The following TRIM29 variants were observed in gnomAD, a reference collection of about 807,000 sequenced individuals.
TRIM29 encodes tripartite motif containing 29.
A neutral mutation model predicts 57.3 loss-of-function variants in TRIM29; 52 were observed. The observed-to-expected ratio is 0.91, with a 90% CI of 0.73 to 1.14. TRIM29 has a LOEUF of 1.14. Ranked by LOEUF, TRIM29 falls within the 50% of genes most tolerant of loss-of-function variation. The probability of loss-of-function intolerance (pLI) is 0.00; values close to 1 mark genes in which losing one functional copy is unlikely to be tolerated. For missense variants in TRIM29, 753 were observed against 774.6 expected (o/e 0.97, Z 0.33); for synonymous variants, 319 against 316.9 (o/e 1.01, Z -0.07).
intron 5 of TRIM29, chr11:120,122,137 T>TGTGC (rs1863468136): frequency 3.9e-6 from 1 of 256,974 alleles, no homozygotes. Context: ...TGTGAGTGTG[T>TGTGC]GTGTGTGTGT....
intron 6 of TRIM29, among the ~76,000 whole-genome samples, chr11:120,120,185 G>A (rs1591320925): frequency 1.3e-5 from 2 of 151,190 alleles, no homozygotes; most frequent in South Asian, 2.1e-4. Flanking sequence ...GGGGGGTGGC[G>A]CATTCCCCAC....
intron 1 of TRIM29, among the ~76,000 whole-genome samples, chr11:120,130,679 G>A (rs534323747): frequency 6.6e-6 from 1 of 152,334 alleles, no homozygotes; most frequent in African/African-American, 2.4e-5. Context: ...AAAGCATTTG[G>A]CACAGCGTGA....
In TRIM29 at chr11:120,120,626, C is replaced by A; in HGVS notation, c.1475G>T (p.Arg492Leu). ...RTSYQPSSPG[R>L]FTKETTQKNF... Reference sequence around the variant, plus strand: ...CTTCTGGGTGGTCTCCTTGGTGAAGCGGCCAGGAGACGAGGGCTGGTATGA... The same window carrying A: ...CTTCTGGGTGGTCTCCTTGGTGAAGAGGCCAGGAGACGAGGGCTGGTATGA... Residue 492 changes from arginine to leucine, a missense_variant, in exon 6 of 9, where the codon CGC (arginine) becomes CTC (leucine). By Grantham distance (102) the Arg-to-Leu change is moderately radical (BLOSUM62 -2). Transcript: ENST00000341846. 1.9e-6 allele frequency: 3 copies of A among 1,613,788 alleles called. No homozygotes were observed. Among genetic ancestry groups the A allele is most frequent in the Non-Finnish European group, 2.5e-6 (3 of 1,179,980 alleles).
chr11:120,129,678 C>T (rs977119624), intron 1 of TRIM29, among the ~76,000 whole-genome samples: 1 of 152,210 alleles, frequency 6.6e-6, no homozygotes, highest in African/African-American at 2.4e-5. Flanking sequence ...AACAGGGGAC[C>T]TCCTGCAGGC....
chr11:120,114,233 G>C (rs1863210615), intron 8 of TRIM29, among the ~76,000 whole-genome samples: 1 of 152,218 alleles, frequency 6.6e-6, no homozygotes, highest in Admixed American at 6.5e-5. Flanking sequence ...CAGGCTCTGA[G>C]AGGGTGGAAA....
intron 3 of TRIM29, among the ~76,000 whole-genome samples, chr11:120,126,697 T>C (rs1788340869): frequency 6.6e-6 from 1 of 152,204 alleles, no homozygotes; most frequent in Admixed American, 6.5e-5. Context: ...AAAGCTGTCT[T>C]AGCTTCCTCC....
chr11:120,127,991 G>A (rs1381435317), intron 2 of TRIM29, among the ~76,000 whole-genome samples: 1 of 152,182 alleles, frequency 6.6e-6, no homozygotes, highest in Non-Finnish European at 1.5e-5. Flanking sequence ...GGGTCAAGCA[G>A]GCAGTGATTT....
chr11:120,115,520 T>G (rs1863245451), intron 7 of TRIM29, 106 bp from the exon 8 acceptor site: 4 of 961,528 alleles, frequency 4.2e-6, no homozygotes, highest in Non-Finnish European at 4.7e-6. Flanking sequence ...CCAAGCATCA[T>G]CCAGCCCATT....
intron 8 of TRIM29, among the ~76,000 whole-genome samples, chr11:120,114,632 A>G (rs1659977304): frequency 6.6e-6 from 1 of 152,224 alleles, no homozygotes; most frequent in Non-Finnish European, 1.5e-5. Flanking sequence ...TGTGAACTAC[A>G]GTCCCCGATC....
At chr11:120,115,287 G>A (rs1863237593) in intron 8 of TRIM29, 51 bp downstream of exon 8, 19 of 1,580,760 alleles carry the variant, frequency 1.2e-5, no homozygotes, top group Non-Finnish European at 1.6e-5. Flanking sequence ...GCCCCCTTCA[G>A]TGCCCAGGTC....
intron 5 of TRIM29, among the ~76,000 whole-genome samples, chr11:120,122,630 G>A (rs191323454): frequency 2.3e-4 from 35 of 152,292 alleles, no homozygotes; most frequent in African/African-American, 6.5e-4. Flanking sequence ...GGAGACCTCC[G>A]GAAGGAAAGA....
rs746345862 is a variant in TRIM29 at position 120,137,754 on chromosome 11, T to C, written c.278A>G (p.Tyr93Cys). The C allele has an allele frequency of 1.3e-5, 21 of 1,612,224 alleles. No individual in the cohort carries two copies. The highest frequency in any genetic ancestry group is 1.8e-5 in the Non-Finnish European group (21 of 1,179,986). Residue 93 changes from tyrosine (Y) to cysteine (C), a missense_variant, in exon 1 of 9, where the codon TAC (tyrosine) becomes TGC (cysteine). Coordinates refer to ENST00000341846, the MANE Select transcript of TRIM29 (RefSeq NM_012101.4). This position sits in a 1 kb window ranked among gnomAD's most constrained non-coding sequence, Gnocchi z 6.2. The part of the protein sequence containing the change: ...VESGDDKNSN[Y>C]FSMDSMEGKR... ...GCCTTCCATAGAGTCCATGCTGAAGTAGTTGGAGTTCTTGTCGTCCCCGGA... is the reference window on the plus strand; with the variant it reads ...GCCTTCCATAGAGTCCATGCTGAAGCAGTTGGAGTTCTTGTCGTCCCCGGA...
Position 120,112,043 on chromosome 11 carries a change from G to A in TRIM29, c.*371C>T, listed in dbSNP as rs1014796537. On this transcript the variant is annotated 3_prime_UTR_variant, in exon 9 of 9. Transcript: ENST00000341846. ...TCTATAGGCCTGGAGACAGCAGGGC[G>A]TGGGCGGGAGAGGCAGGCTGATACC... 1.8e-5 allele frequency: 5 copies of A among 278,668 alleles called. No individual in the cohort carries two copies. Among genetic ancestry groups the A allele is most frequent in the African/African-American group, 4.6e-5 (2 of 43,206 alleles). 17.3% of individuals were successfully genotyped at this position (278,668 alleles called of 1,614,324 possible). A position where few individuals can be genotyped will look rare whatever the true frequency, so the allele number is the denominator to read the frequency against.
chr11:120,117,834 C>A, intron 7 of TRIM29: 1 of 228,008 alleles, frequency 4.4e-6, no homozygotes, highest in Non-Finnish European at 8.7e-6. Flanking sequence ...TGGCAGGTGC[C>A]CCATGGCCAC....
intron 6 of TRIM29, among the ~76,000 whole-genome samples, chr11:120,119,322 C>T (rs1004833581): frequency 1.3e-5 from 2 of 152,158 alleles, no homozygotes; most frequent in African/African-American, 2.4e-5. Flanking sequence ...TAGTCAAGCT[C>T]ACTCCTTAGC....
intron 1 of TRIM29, chr11:120,128,991 C>T (rs944952134): frequency 1.6e-5 from 19 of 1,161,392 alleles, no homozygotes; most frequent in African/African-American, 6.3e-5. Flanking sequence ...TTGCCGCCGG[C>T]GTGGACTCCG....
Position 120,125,174 on chromosome 11 carries a change from G to A in TRIM29, c.1333+517C>T, listed in dbSNP as rs567085500. 3.3e-3 allele frequency: 518 copies of A among 157,830 alleles called. 4 individuals are homozygous for A. Among genetic ancestry groups the A allele is most frequent in the African/African-American group, 0.012 (497 of 41,710 alleles). 9.8% of individuals were successfully genotyped at this position (157,830 alleles called of 1,614,324 possible). A position where few individuals can be genotyped will look rare whatever the true frequency, so the allele number is the denominator to read the frequency against. Reference sequence around the variant, plus strand: ...AGTCACAGAGACACTGTGTCCCACCGTCCCCAGCCCAGCTCAACAGGCCAA... The same window carrying A: ...AGTCACAGAGACACTGTGTCCCACCATCCCCAGCCCAGCTCAACAGGCCAA... On this transcript the variant is annotated intron_variant, in intron 4 of 8. Coordinates refer to ENST00000341846, the MANE Select transcript of TRIM29 (RefSeq NM_012101.4).
chr11:120,120,547 C>T (rs1231355465), intron 6 of TRIM29, 26 bp downstream of exon 6: 20 of 1,603,404 alleles, frequency 1.2e-5, no homozygotes, highest in Admixed American at 1.7e-5. Flanking sequence ...GAACTCTGTG[C>T]ACCCTTGAGC....
At chr11:120,128,564 G>C in intron 1 of TRIM29, 69 bp from the exon 2 acceptor site, 1 of 1,541,952 alleles carries the variant, frequency 6.5e-7, no homozygotes, top group Non-Finnish European at 8.8e-7. Flanking sequence ...GAACCAGGGA[G>C]CGGCTCCACT....
Sources: gnomAD v4.1 joint callset for allele counts (sites outside exome capture counted in the v4.1 genomes callset) on GRCh38, gnomAD v4.1.1 for gene constraint, Gnocchi (gnomAD v3.1) non-coding constraint, MANE v1.5 for transcripts, NCBI Gene and HGNC (gene_info 2026-07-23, HGNC 2026-07-21) for gene names.